The following MED12L variants were observed in gnomAD, a reference collection of about 807,000 sequenced individuals.
MED12L encodes the protein mediator complex subunit 12L, also known as mediator of RNA polymerase II transcription subunit 12-like protein.
In MED12L, 60 loss-of-function variants were observed where a neutral mutation model predicts 281.3. The ratio of observed to expected loss-of-function variants is 0.21; its 90% confidence interval spans 0.17 to 0.26. The LOEUF (loss-of-function observed/expected upper bound fraction) is 0.26, where lower values mean the gene tolerates loss of function less well. MED12L is among the 10% of genes least tolerant of loss of function. MED12L has a pLI of 1.00. For missense variants in MED12L, 2,146 were observed against 2,680.9 expected, an observed-to-expected ratio of 0.80 and a Z score of 4.41; for synonymous variants, 974 against 987.2, an observed-to-expected ratio of 0.99 and a Z score of 0.25.
intron 5 of MED12L, among the ~76,000 whole-genome samples, chr3:151,137,934 G>C (rs1716387638): frequency 6.6e-6 from 1 of 151,158 alleles, no homozygotes; most frequent in Non-Finnish European, 1.5e-5. Context: ...TTTATATTTT[G>C]AATATGTAAT....
In MED12L at chr3:151,186,702, C is replaced by G. The variant is rs771663177; in HGVS notation, c.1626+1241C>G. Among the ~76,000 whole-genome samples the G allele has an allele frequency of 1.1e-4, 17 of 152,138 alleles. 1 individual carries two copies. Among genetic ancestry groups the G allele is most frequent in the Non-Finnish European group, 1.9e-4 (13 of 68,006 alleles). ...GCACCTGGGGAAGGTCTTCCATCACCACGTGATCAAAGTTAACAGCGTTCT... is the reference window on the plus strand; with the variant it reads ...GCACCTGGGGAAGGTCTTCCATCACGACGTGATCAAAGTTAACAGCGTTCT... On this transcript the variant is annotated intron_variant, in intron 12 of 44. Coordinates refer to ENST00000687756, the MANE Select transcript of MED12L (RefSeq NM_001393769.1).
intron 20 of MED12L, among the ~76,000 whole-genome samples, chr3:151,359,823 T>G (rs371167909): frequency 6.6e-6 from 1 of 152,134 alleles, no homozygotes; most frequent in African/African-American, 2.4e-5. Flanking sequence ...CACAAGTGTT[T>G]ACAGCTGTGG....
intron 16 of MED12L, among the ~76,000 whole-genome samples, chr3:151,346,699 C>T (rs1252006281): frequency 6.6e-6 from 1 of 152,030 alleles, no homozygotes; most frequent in South Asian, 2.1e-4. Context: ...CTTATTTCTC[C>T]CCTCACCATC....
intron 39 of MED12L, among the ~76,000 whole-genome samples, chr3:151,406,168 G>T (rs1400459268): frequency 6.6e-6 from 1 of 152,164 alleles, no homozygotes; most frequent in Non-Finnish European, 1.5e-5. Context: ...TCTGTTCTTG[G>T]TTTAATGTGG....
intron 27 of MED12L, among the ~76,000 whole-genome samples, chr3:151,373,075 A>C (rs11708287): frequency 0.29 from 44,731 of 152,020 alleles, 7,699 homozygotes; most frequent in Non-Finnish European, 0.39. Flanking sequence ...ATTCTTTTGA[A>C]TATTGCATTA....
At chr3:151,101,926 A>G (rs1721442710) in intron 2 of MED12L, among the ~76,000 whole-genome samples, 3 of 152,132 alleles carry the variant, frequency 2.0e-5, no homozygotes, top group Non-Finnish European at 4.4e-5. Context: ...AAAGGAAAGG[A>G]AGAGAGGAGA....
chr3:151,311,359 TTTACA>T (rs1173598744), intron 16 of MED12L, among the ~76,000 whole-genome samples: 2 of 152,048 alleles, frequency 1.3e-5, no homozygotes, highest in East Asian at 3.8e-4. Flanking sequence ...AGTGTTGTTG[TTTACA>T]TTATGAAATT....
chr3:151,119,980 G>C (rs1021340826), intron 3 of MED12L, among the ~76,000 whole-genome samples: 1 of 151,604 alleles, frequency 6.6e-6, no homozygotes, highest in African/African-American at 2.4e-5. Context: ...GCACTTTGGG[G>C]GGCTGAGGCA....
At chr3:151,334,196 C>CTTTTTTTTTTTTTTTTTTT (rs71138494) in intron 16 of MED12L, among the ~76,000 whole-genome samples, 21 of 118,192 alleles carry the variant, frequency 1.8e-4, no homozygotes, top group East Asian at 2.5e-4. Context: ...TTCTTTCTTT[C>CTTTTTTTTTTTTTTTTTTT]TTTTTTTTTT....
At chr3:151,275,791 A>G (rs1037565401) in intron 16 of MED12L, among the ~76,000 whole-genome samples, 4 of 152,196 alleles carry the variant, frequency 2.6e-5, no homozygotes, top group African/African-American at 9.7e-5. Context: ...TAGATTTTAC[A>G]TAGTTTGGTT....
At chr3:151,171,635 G>A (rs776510977) in intron 11 of MED12L, among the ~76,000 whole-genome samples, 4 of 152,266 alleles carry the variant, frequency 2.6e-5, no homozygotes, top group East Asian at 3.9e-4. Flanking sequence ...TAGACTATTC[G>A]TGCAGAATTC....
At position 151,433,021 on chromosome 3, in the gene MED12L, T is replaced by C. The variant is rs1719706179; in HGVS notation, c.*217T>C. ...TTGTTGAATTCACCTTTAAAGTAGGTTTACAAATGTGAATCATGCAGGCAG... is the reference window on the plus strand; with the variant it reads ...TTGTTGAATTCACCTTTAAAGTAGGCTTACAAATGTGAATCATGCAGGCAG... On this transcript the variant is annotated 3_prime_UTR_variant, in exon 45 of 45. Transcript: ENST00000687756. 2.0e-6 allele frequency: 1 copy of C among 503,658 alleles called. No individual in the cohort carries two copies. Among genetic ancestry groups the C allele is most frequent in the Non-Finnish European group, 3.5e-6 (1 of 282,622 alleles). 31.2% of individuals were successfully genotyped at this position (503,658 alleles called of 1,614,324 possible).
chr3:151,239,018 A>T lies in MED12L; in HGVS notation c.2250+45352A>T, dbSNP rs142061045. 3.7e-3 allele frequency among the ~76,000 whole-genome samples: 557 copies of T among 152,344 alleles called. 1 individual carries two copies. Among genetic ancestry groups the T allele is most frequent in the African/African-American group, 0.013 (525 of 41,574 alleles). On this transcript the variant is annotated intron_variant, in intron 16 of 44. Transcript: ENST00000687756. The stretch of plus-strand genomic sequence containing the variant: ...GACAATGATAAAATTCAAGCTTTCA[A>T]ACTGAAAGCAGAATTTTGGAAAGCT...
chr3:151,158,780 T>G lies in MED12L; in HGVS notation c.818T>G (p.Leu273Trp). 1 of 1,611,218 alleles carries G rather than the reference T, an allele frequency of 6.2e-7. No homozygotes were observed. The highest frequency in any genetic ancestry group is 1.1e-5 in the South Asian group (1 of 90,802). The stretch of plus-strand genomic sequence containing the variant: ...ATGGATGATGATCTTCTTAAACTCT[T>G]GCTACCACTAATGCTGCAGGTATAG... ...RPMDDDLLKL[L>W]LPLMLQYSDE... The change falls in exon 7 of 45, where the codon TTG becomes TGG. Residue 273 changes from leucine (L) to tryptophan (W), a missense_variant. Leu to Trp is a moderately conservative substitution (Grantham distance 61, BLOSUM62 -2). This residue lies in a region of MED12L where 722 missense variants were observed against 861.2 expected (regional missense o/e 0.84). Transcript: ENST00000687756.
intron 16 of MED12L, chr3:151,213,124 T>C: frequency 1.9e-6 from 1 of 518,366 alleles, no homozygotes; most frequent in Non-Finnish European, 3.3e-6. Context: ...GATGGGTATG[T>C]TTTCTTTGAT....
intron 32 of MED12L, among the ~76,000 whole-genome samples, chr3:151,381,061 C>G (rs1026498490): frequency 2.0e-5 from 3 of 152,222 alleles, no homozygotes; most frequent in African/African-American, 7.2e-5. Flanking sequence ...GTTTGAGGCT[C>G]TTGCATCTAT....
At chr3:151,348,340 CAAAAAAAAA>C (rs11382065) in intron 16 of MED12L, among the ~76,000 whole-genome samples, 77 of 87,816 alleles carry the variant, frequency 8.8e-4, no homozygotes, top group African/African-American at 3.3e-3. Flanking sequence ...ACCACCAGAC[CAAAAAAAAA>C]AAAAAAAAAA....
chr3:151,113,497 A>G (rs1203395967), intron 2 of MED12L, among the ~76,000 whole-genome samples: 2 of 152,180 alleles, frequency 1.3e-5, no homozygotes, highest in African/African-American at 2.4e-5. Flanking sequence ...AAAGCTCCCT[A>G]TGGCTGCTGT....
intron 37 of MED12L, 127 bp from the exon 38 acceptor site, chr3:151,389,852 C>G: frequency 1.2e-6 from 1 of 833,028 alleles, no homozygotes; most frequent in African/African-American, 1.7e-5. Context: ...TCCATCTTCT[C>G]CTTTATAAAA....
Sources: gnomAD v4.1 joint callset for allele counts (sites outside exome capture counted in the v4.1 genomes callset) on GRCh38, gnomAD v4.1.1 for gene constraint, gnomAD v4.1.1 regional missense constraint, MANE v1.5 for transcripts, NCBI Gene and HGNC (gene_info 2026-07-23, HGNC 2026-07-21) for gene names.